Variants in LHFPL3 observed in about 807,000 individuals in gnomAD.
LHFPL3 encodes the protein LHFPL tetraspan subfamily member 3 protein.
LHFPL3 carries 5 observed loss-of-function variants against 19.3 expected under a neutral mutation model. The ratio of observed to expected loss-of-function variants is 0.26; its 90% CI spans 0.14 to 0.54. The LOEUF (loss-of-function observed/expected upper bound fraction) is 0.54. LHFPL3 is among the 20% of genes least tolerant of loss of function. LHFPL3 has a pLI of 0.94. For synonymous variants in LHFPL3, 133 were observed against 126.2 expected, an observed-to-expected ratio of 1.05 and a Z score of -0.36; for missense variants, 249 against 307.4, an observed-to-expected ratio of 0.81 and a Z score of 1.42.
intron 2 of LHFPL3, among the ~76,000 whole-genome samples, chr7:104,741,521 A>G (rs1793937147): frequency 6.7e-6 from 1 of 149,032 alleles, no homozygotes; most frequent in Non-Finnish European, 1.5e-5. Flanking sequence ...CTCTTTAAAT[A>G]TCTAACTAAC....
intron 1 of LHFPL3, among the ~76,000 whole-genome samples, chr7:104,671,518 C>T (rs1048258146): frequency 2.0e-5 from 3 of 149,336 alleles, no homozygotes; most frequent in Non-Finnish European, 4.4e-5. Flanking sequence ...AAAATCCCAT[C>T]CTTTGGGTTG....
chr7:104,893,235 C>T (rs935054896), intron 2 of LHFPL3, among the ~76,000 whole-genome samples: 1 of 151,604 alleles, frequency 6.6e-6, no homozygotes, highest in African/African-American at 2.4e-5. Context: ...AAAAATTGGC[C>T]TGGCACGGTG....
chr7:104,450,142 T>C (rs1337247556), intron 1 of LHFPL3, among the ~76,000 whole-genome samples: 4 of 152,184 alleles, frequency 2.6e-5, no homozygotes, highest in African/African-American at 4.8e-5. Flanking sequence ...TGAGGACTCT[T>C]AGGGAAAAAA....
intron 1 of LHFPL3, among the ~76,000 whole-genome samples, chr7:104,454,445 C>G (rs1792502272): frequency 6.6e-6 from 1 of 152,136 alleles, no homozygotes; most frequent in South Asian, 2.1e-4. Context: ...TTCTGCTAGT[C>G]CCTACTTGAG....
intron 2 of LHFPL3, among the ~76,000 whole-genome samples, chr7:104,840,810 T>C (rs1791188477): frequency 6.6e-6 from 1 of 152,094 alleles, no homozygotes; most frequent in Non-Finnish European, 1.5e-5. Context: ...AAATAAAAAA[T>C]ACTCAGAAGA....
At chr7:104,493,317 G>A (rs1411402970) in intron 1 of LHFPL3, among the ~76,000 whole-genome samples, 1 of 151,702 alleles carries the variant, frequency 6.6e-6, no homozygotes, top group Non-Finnish European at 1.5e-5. Flanking sequence ...ACCCCAGGGA[G>A]TAGGGAGTAT....
intron 2 of LHFPL3, among the ~76,000 whole-genome samples, chr7:104,745,003 A>T (rs1794013329): frequency 6.6e-6 from 1 of 152,100 alleles, no homozygotes; most frequent in South Asian, 2.1e-4. Context: ...CCTTCAATGA[A>T]CTTTGGTCTC....
At chr7:104,599,856 G>A (rs1286160867) in intron 1 of LHFPL3, among the ~76,000 whole-genome samples, 1 of 152,184 alleles carries the variant, frequency 6.6e-6, no homozygotes, top group Non-Finnish European at 1.5e-5. Context: ...AATGGCTAAT[G>A]AGGCCAGTGA....
intron 1 of LHFPL3, among the ~76,000 whole-genome samples, chr7:104,390,379 A>ACCCTGTGTCC (rs1791041186): frequency 7.6e-6 from 1 of 131,160 alleles, no homozygotes; most frequent in Non-Finnish European, 1.6e-5. Flanking sequence ...AGTGTTCCCC[A>ACCCTGTGTCC]ACCTGTGTCC....
At chr7:104,589,615 T>C (rs555067445) in intron 1 of LHFPL3, among the ~76,000 whole-genome samples, 54 of 152,318 alleles carry the variant, frequency 3.5e-4, no homozygotes, top group African/African-American at 1.2e-3. Context: ...ATCAGGATGA[T>C]GTTGGCCTCA....
intron 2 of LHFPL3, among the ~76,000 whole-genome samples, chr7:104,778,123 T>C (rs1177871499): frequency 2.0e-5 from 3 of 152,246 alleles, no homozygotes; most frequent in Non-Finnish European, 4.4e-5. Context: ...ATAGGTGCTA[T>C]GACCAGGGAG....
At chr7:104,445,274 A>T (rs1330228109) in intron 1 of LHFPL3, among the ~76,000 whole-genome samples, 1 of 152,166 alleles carries the variant, frequency 6.6e-6, no homozygotes, top group African/African-American at 2.4e-5. Flanking sequence ...TTCAGTATAT[A>T]GTGATATGGT....
At chr7:104,817,256 G>A (rs999088466) in intron 2 of LHFPL3, among the ~76,000 whole-genome samples, 1 of 152,122 alleles carries the variant, frequency 6.6e-6, no homozygotes, top group African/African-American at 2.4e-5. Flanking sequence ...TCCAGTGCTG[G>A]GCAGTCAATA....
chr7:104,601,406 G>A (rs1348312175), intron 1 of LHFPL3, among the ~76,000 whole-genome samples: 1 of 152,160 alleles, frequency 6.6e-6, no homozygotes, highest in Admixed American at 6.5e-5. Context: ...CTAGGTACTA[G>A]AGATACAGCA....
intron 1 of LHFPL3, among the ~76,000 whole-genome samples, chr7:104,625,955 T>G (rs1791536666): frequency 6.6e-6 from 1 of 152,082 alleles, no homozygotes; most frequent in Admixed American, 6.6e-5. Context: ...CTGTCATCTT[T>G]CCTCCCATGG....
chr7:104,419,301 A>T (rs1475546749), intron 1 of LHFPL3, among the ~76,000 whole-genome samples: 1 of 152,246 alleles, frequency 6.6e-6, no homozygotes, highest in Non-Finnish European at 1.5e-5. Context: ...GCATTGCTTT[A>T]GAATGGTAAT....
intron 1 of LHFPL3, among the ~76,000 whole-genome samples, chr7:104,430,402 A>G (rs796806878): frequency 8.2e-4 from 28 of 34,158 alleles, no homozygotes; most frequent in African/African-American, 2.2e-3. Flanking sequence ...ATATATATAT[A>G]TACATATATA....
At chr7:104,507,706 T>C (rs1793726786) in intron 1 of LHFPL3, among the ~76,000 whole-genome samples, 1 of 130,724 alleles carries the variant, frequency 7.6e-6, no homozygotes, top group Non-Finnish European at 1.6e-5. Flanking sequence ...CACAACCTAC[T>C]CATCTGACAA....
At chr7:104,696,214 T>C (rs1792993733) in intron 1 of LHFPL3, among the ~76,000 whole-genome samples, 1 of 152,202 alleles carries the variant, frequency 6.6e-6, no homozygotes, top group Non-Finnish European at 1.5e-5. Context: ...CCTCCCGGAG[T>C]GCTGGGTCTA....
Sources: gnomAD v4.1 joint callset for allele counts (sites outside exome capture counted in the v4.1 genomes callset) on GRCh38, gnomAD v4.1.1 for gene constraint, MANE v1.5 for transcripts, NCBI Gene and HGNC (gene_info 2026-07-23, HGNC 2026-07-21) for gene names.